RARB: variants seen among roughly 807,000 people sequenced by gnomAD.
RARB encodes the protein retinoic acid receptor beta.
A neutral mutation model predicts 51.9 loss-of-function variants in RARB; 17 were observed. The observed-to-expected ratio is 0.33, with a 90% CI of 0.22 to 0.49. RARB has a LOEUF of 0.49. RARB is among the 20% of genes least tolerant of loss of function. The pLI, the probability that RARB is intolerant of heterozygous loss-of-function variation, is 0.99. For synonymous variants in RARB, 215 were observed against 195.4 expected (o/e 1.10, Z -0.84); for missense variants, 369 against 550.8 (o/e 0.67, Z 3.30).
chr3:24,880,552 G>C lies in RARB; in HGVS notation c.-380+21800G>C, dbSNP rs1317427229. 2.6e-5 allele frequency among the ~76,000 whole-genome samples: 4 copies of C among 152,100 alleles called. No homozygotes were observed. In the East Asian group the frequency reaches 7.7e-4, roughly 29 times the overall value. On this transcript the variant is annotated intron_variant, in intron 2 of 11. Transcript: ENST00000383772. ...GATAGAAAACAGGAGAAAAATCTTA[G>C]AAAAGTAGACCCATGGTTCTCAACA...
chr3:24,921,779 A>G (rs1489393571), intron 2 of RARB, among the ~76,000 whole-genome samples: 2 of 152,230 alleles, frequency 1.3e-5, no homozygotes, highest in Non-Finnish European at 2.9e-5. Context: ...TAGGAAAAAT[A>G]CAATAATCTG....
At chr3:25,193,233 T>C (rs1701146822) in intron 5 of RARB, among the ~76,000 whole-genome samples, 1 of 152,020 alleles carries the variant, frequency 6.6e-6, no homozygotes, top group Non-Finnish European at 1.5e-5. Context: ...TAATTCTGTT[T>C]ACATTCTTCC....
intron 3 of RARB, among the ~76,000 whole-genome samples, chr3:25,547,130 T>C (rs1459967609): frequency 6.6e-6 from 1 of 152,160 alleles, no homozygotes; most frequent in African/African-American, 2.4e-5. Flanking sequence ...TTCCGTGTCA[T>C]GGAGAACAGG....
chr3:25,094,743 G>GAAAAAAAAAAAAA (rs1559464234), intron 3 of RARB, among the ~76,000 whole-genome samples: 22 of 86,982 alleles, frequency 2.5e-4, no homozygotes, highest in Admixed American at 4.7e-4. Flanking sequence ...AAAAAAAAAG[G>GAAAAAAAAAAAAA]AAACTGCAAC....
intron 2 of RARB, among the ~76,000 whole-genome samples, chr3:24,893,956 C>T (rs939108869): frequency 2.0e-5 from 3 of 152,176 alleles, no homozygotes; most frequent in African/African-American, 7.2e-5. Context: ...GTACCTAATA[C>T]AAGCCTGTGC....
chr3:25,447,042 A>G (rs1708979502), intron 1 of RARB, among the ~76,000 whole-genome samples: 1 of 152,010 alleles, frequency 6.6e-6, no homozygotes, highest in Admixed American at 6.6e-5. Flanking sequence ...GATCGTGTTA[A>G]TAATCCTTGC....
chr3:25,089,023 A>C (rs1441109760), intron 3 of RARB, among the ~76,000 whole-genome samples: 1 of 150,816 alleles, frequency 6.6e-6, no homozygotes, highest in African/African-American at 2.4e-5. Context: ...TTACTAATTG[A>C]GTAAGAGTCT....
chr3:25,306,821 GGGA>G (rs1173027293), intron 5 of RARB, among the ~76,000 whole-genome samples: 1 of 152,168 alleles, frequency 6.6e-6, no homozygotes, highest in African/African-American at 2.4e-5. Flanking sequence ...TGCTGATAGT[GGGA>G]TGGGTTGAAC....
At chr3:25,207,961 G>A (rs1575220726) in intron 5 of RARB, among the ~76,000 whole-genome samples, 2 of 151,960 alleles carry the variant, frequency 1.3e-5, no homozygotes, top group Admixed American at 1.3e-4. Context: ...TTTTACTCAT[G>A]GCAGAAAGCA....
chr3:25,442,835 T>C (rs1267618143), intron 1 of RARB, among the ~76,000 whole-genome samples: 1 of 152,218 alleles, frequency 6.6e-6, no homozygotes, highest in Non-Finnish European at 1.5e-5. Context: ...ACATTCCCTG[T>C]AGCAATCAAA....
At chr3:25,394,211 G>T (rs1176775355) in intron 5 of RARB, among the ~76,000 whole-genome samples, 1 of 151,976 alleles carries the variant, frequency 6.6e-6, no homozygotes, top group Non-Finnish European at 1.5e-5. Context: ...TGGTTTTGAG[G>T]GTTCCTTTTA....
At chr3:25,319,277 G>T (rs558451323) in intron 5 of RARB, among the ~76,000 whole-genome samples, 151 of 152,238 alleles carry the variant, frequency 9.9e-4, no homozygotes, top group African/African-American at 3.5e-3. Flanking sequence ...GTCCTCCCAG[G>T]ATACAGTTTA....
intron 4 of RARB, among the ~76,000 whole-genome samples, chr3:25,133,118 T>G (rs2125333859): frequency 6.6e-6 from 1 of 152,102 alleles, no homozygotes; most frequent in South Asian, 2.1e-4. Flanking sequence ...AGATTTAATT[T>G]AGACATTTTT....
intron 2 of RARB, 80 bp downstream of exon 2, chr3:25,461,421 T>C (rs1695173685): frequency 3.4e-6 from 5 of 1,489,760 alleles, no homozygotes; most frequent in Middle Eastern, 1.8e-4. Context: ...GTTCCAAAAA[T>C]GGGCTGGATG....
At chr3:24,898,956 C>T (rs1703538448) in intron 2 of RARB, among the ~76,000 whole-genome samples, 1 of 152,298 alleles carries the variant, frequency 6.6e-6, no homozygotes, top group East Asian at 1.9e-4. Context: ...TTGGCCAAAA[C>T]TGTCTCATGA....
chr3:25,488,910 G>A (rs375959500), intron 2 of RARB, among the ~76,000 whole-genome samples: 9 of 152,130 alleles, frequency 5.9e-5, no homozygotes, highest in East Asian at 1.9e-4. Context: ...CTTTTATTAC[G>A]GAGACTGTTT....
intron 2 of RARB, among the ~76,000 whole-genome samples, chr3:25,473,588 G>A (rs1695807426): frequency 6.6e-6 from 1 of 152,138 alleles, no homozygotes; most frequent in African/African-American, 2.4e-5. Flanking sequence ...AAATGTTCAA[G>A]GTAGAACTGT....
chr3:25,397,278 G>A (rs1424093003), intron 5 of RARB, among the ~76,000 whole-genome samples: 1 of 152,144 alleles, frequency 6.6e-6, no homozygotes, highest in Non-Finnish European at 1.5e-5. Flanking sequence ...TGACTTCTAG[G>A]TAAGGTTAAA....
At chr3:25,074,516 C>T (rs914593473) in intron 3 of RARB, among the ~76,000 whole-genome samples, 3 of 152,162 alleles carry the variant, frequency 2.0e-5, no homozygotes, top group African/African-American at 7.2e-5. Context: ...AATCACATGC[C>T]ACATCTACAT....
Sources: gnomAD v4.1 joint callset for allele counts (sites outside exome capture counted in the v4.1 genomes callset) on GRCh38, gnomAD v4.1.1 for gene constraint, MANE v1.5 for transcripts, NCBI Gene and HGNC (gene_info 2026-07-23, HGNC 2026-07-21) for gene names.